Variants in ARHGAP42 observed in about 807,000 individuals in gnomAD.
ARHGAP42 encodes the protein rho GTPase-activating protein 42.
In ARHGAP42, 63 loss-of-function variants were observed where a neutral mutation model predicts 125.0. The observed-to-expected ratio is 0.50, with a 90% confidence interval of 0.41 to 0.62. ARHGAP42 has a LOEUF of 0.62. ARHGAP42 is among the 20% of genes least tolerant of loss of function. The probability of loss-of-function intolerance (pLI) is 0.00; values close to 1 mark genes in which losing one functional copy is unlikely to be tolerated. For synonymous variants in ARHGAP42, 339 were observed against 351.0 expected (o/e 0.97, Z 0.38); for missense variants, 766 against 1,024.2 (o/e 0.75, Z 3.44).
intron 1 of ARHGAP42, among the ~76,000 whole-genome samples, chr11:100,688,506 A>C (rs948102406): frequency 4.6e-5 from 7 of 152,142 alleles, no homozygotes; most frequent in African/African-American, 1.7e-4. Flanking sequence ...GAATATAAAG[A>C]CTGTTATAGT....
chr11:100,822,931 G>A (rs1364961412), intron 3 of ARHGAP42, among the ~76,000 whole-genome samples: 1 of 152,090 alleles, frequency 6.6e-6, no homozygotes, highest in East Asian at 1.9e-4. Flanking sequence ...AAAGTGAGAA[G>A]GTTAAGGATG....
intron 4 of ARHGAP42, among the ~76,000 whole-genome samples, chr11:100,879,630 T>G (rs1865909268): frequency 6.6e-6 from 1 of 152,182 alleles, no homozygotes; most frequent in African/African-American, 2.4e-5. Context: ...CATCCATTAT[T>G]TACAACATAG....
chr11:100,855,491 G>A (rs1377930727), intron 3 of ARHGAP42, among the ~76,000 whole-genome samples: 1 of 151,872 alleles, frequency 6.6e-6, no homozygotes, highest in Non-Finnish European at 1.5e-5. Flanking sequence ...TGAAAAGCAA[G>A]CACTGAAAAT....
intron 11 of ARHGAP42, among the ~76,000 whole-genome samples, chr11:100,948,878 A>G (rs1329527063): frequency 2.0e-5 from 3 of 152,134 alleles, no homozygotes; most frequent in African/African-American, 7.2e-5. Flanking sequence ...TGTGCTAGGC[A>G]TGTGATTAGA....
intron 2 of ARHGAP42, among the ~76,000 whole-genome samples, chr11:100,771,251 C>T (rs1034403649): frequency 6.6e-6 from 1 of 152,160 alleles, no homozygotes; most frequent in Non-Finnish European, 1.5e-5. Context: ...AACCATGCTC[C>T]TTTCTGAAAC....
Position 100,965,693 on chromosome 11 carries a change from G to A in ARHGAP42, c.1467G>A (p.Arg489=). The A allele has an allele frequency of 1.3e-6, 2 of 1,550,534 alleles. No homozygotes were observed. The highest frequency in any genetic ancestry group is 1.7e-6 in the Non-Finnish European group (2 of 1,146,886). The change falls in exon 17 of 24, where the codon AGG becomes AGA. Residue 489 remains arginine, a synonymous_variant. Coordinates refer to ENST00000298815, the MANE Select transcript of ARHGAP42 (RefSeq NM_152432.4). ...CAGAATCTGATGATCAAAACTACAG[G>A]GTGGAGGCTGTACATGCATTGGTGC... ...IAVKSDDQNY[R]VEAVHALVHK...
intron 1 of ARHGAP42, among the ~76,000 whole-genome samples, chr11:100,728,713 CG>C (rs1861903428): frequency 2.1e-5 from 2 of 95,312 alleles, no homozygotes; most frequent in South Asian, 4.2e-4. Flanking sequence ...AATGACTTTG[CG>C]TATATATATA....
chr11:100,690,220 A>G (rs931745662), intron 1 of ARHGAP42, among the ~76,000 whole-genome samples: 1 of 152,180 alleles, frequency 6.6e-6, no homozygotes, highest in Non-Finnish European at 1.5e-5. Context: ...CTATTTCAAT[A>G]GATGTATCCA....
At chr11:100,865,148 A>G (rs1336228507) in intron 4 of ARHGAP42, among the ~76,000 whole-genome samples, 2 of 152,164 alleles carry the variant, frequency 1.3e-5, no homozygotes, top group Admixed American at 6.5e-5. Flanking sequence ...TGTAATGGAA[A>G]CTGATAATTC....
chr11:100,809,676 T>C (rs1320411875), intron 3 of ARHGAP42, among the ~76,000 whole-genome samples: 1 of 152,178 alleles, frequency 6.6e-6, no homozygotes, highest in Non-Finnish European at 1.5e-5. Flanking sequence ...AGAGGCAGGC[T>C]GGGTGTGCTG....
chr11:100,908,614 A>C (rs1591287075), intron 4 of ARHGAP42, among the ~76,000 whole-genome samples: 1 of 152,186 alleles, frequency 6.6e-6, no homozygotes, highest in African/African-American at 2.4e-5. Flanking sequence ...CATGGTGTAT[A>C]TATATCACAT....
intron 3 of ARHGAP42, among the ~76,000 whole-genome samples, chr11:100,836,691 GA>G (rs1362946481): frequency 6.7e-6 from 1 of 148,720 alleles, no homozygotes. Context: ...CCTAATTTGA[GA>G]TGTGTAAGGT....
chr11:100,902,666 T>G (rs1013016931), intron 4 of ARHGAP42, among the ~76,000 whole-genome samples: 2 of 152,082 alleles, frequency 1.3e-5, no homozygotes, highest in African/African-American at 4.8e-5. Flanking sequence ...CTTGTCCCTT[T>G]CATGTGCTCA....
At chr11:100,884,683 C>A (rs564786818) in intron 4 of ARHGAP42, among the ~76,000 whole-genome samples, 23 of 152,172 alleles carry the variant, frequency 1.5e-4, no homozygotes, top group African/African-American at 5.5e-4. Flanking sequence ...CCGTGTCCCC[C>A]CAACCCCGTC....
At chr11:100,886,877 G>A (rs941335451) in intron 4 of ARHGAP42, among the ~76,000 whole-genome samples, 1 of 152,114 alleles carries the variant, frequency 6.6e-6, no homozygotes, top group Non-Finnish European at 1.5e-5. Flanking sequence ...TTAAAATGAA[G>A]GAGGTCTCTT....
Position 100,944,947 on chromosome 11 carries a change from A to G in ARHGAP42, c.1043+1079A>G, listed in dbSNP as rs145927611. 3.9e-3 allele frequency among the ~76,000 whole-genome samples: 595 copies of G among 152,144 alleles called. 3 individuals are homozygous for G. Among genetic ancestry groups the G allele is most frequent in the African/African-American group, 0.014 (569 of 41,542 alleles). On this transcript the variant is annotated intron_variant, in intron 10 of 23. Coordinates refer to ENST00000298815, the MANE Select transcript of ARHGAP42 (RefSeq NM_152432.4). ...CCACATCAATTGAATCTTCATTTCAACAAAGATTTCTCTGTACCATGCAAT... is the reference window on the plus strand; with the variant it reads ...CCACATCAATTGAATCTTCATTTCAGCAAAGATTTCTCTGTACCATGCAAT...
chr11:100,743,956 A>C (rs1432546682), intron 1 of ARHGAP42, among the ~76,000 whole-genome samples: 1 of 152,170 alleles, frequency 6.6e-6, no homozygotes, highest in Non-Finnish European at 1.5e-5. Context: ...AGTATCTGAA[A>C]TAGCTATCTC....
At chr11:100,945,054 A>C (rs981454577) in intron 10 of ARHGAP42, among the ~76,000 whole-genome samples, 1 of 152,080 alleles carries the variant, frequency 6.6e-6, no homozygotes, top group Admixed American at 6.6e-5. Context: ...CTGCACTGTC[A>C]GCTAAGTTTA....
At chr11:100,862,715 T>C (rs1180743037) in intron 4 of ARHGAP42, among the ~76,000 whole-genome samples, 1 of 152,112 alleles carries the variant, frequency 6.6e-6, no homozygotes, top group Non-Finnish European at 1.5e-5. Context: ...TCTTGCTTAG[T>C]AAAGTGAATA....
Sources: gnomAD v4.1 joint callset for allele counts (sites outside exome capture counted in the v4.1 genomes callset) on GRCh38, gnomAD v4.1.1 for gene constraint, MANE v1.5 for transcripts, NCBI Gene and HGNC (gene_info 2026-07-23, HGNC 2026-07-21) for gene names.